The following MECOM variants were observed in gnomAD, a reference collection of about 807,000 sequenced individuals.
The protein encoded by MECOM is histone-lysine N-methyltransferase MECOM.
MECOM carries 13 observed loss-of-function variants against 116.3 expected under a neutral mutation model. That is an observed-to-expected ratio of 0.11 (90% CI 0.07 to 0.18). The LOEUF (loss-of-function observed/expected upper bound fraction) is 0.18. Among genes scored for constraint, MECOM ranks in the 10% least tolerant of loss-of-function variants. The pLI is 1.00. For missense variants in MECOM, 1,299 were observed against 1,509.0 expected (o/e 0.86, Z 2.31); for synonymous variants, 528 against 535.2 (o/e 0.99, Z 0.19).
At chr3:169,277,935 C>G (rs1759815935) in intron 2 of MECOM, among the ~76,000 whole-genome samples, 1 of 152,198 alleles carries the variant, frequency 6.6e-6, no homozygotes. Context: ...ATGGACGTCT[C>G]AGAGTTTTCT....
At chr3:169,299,760 AC>A (rs1452581858) in intron 2 of MECOM, among the ~76,000 whole-genome samples, 2 of 152,224 alleles carry the variant, frequency 1.3e-5, no homozygotes, top group Non-Finnish European at 2.9e-5. Context: ...GAATAGCTAA[AC>A]ATTTTTTCTG....
chr3:169,264,315 T>C (rs529284245), intron 2 of MECOM, among the ~76,000 whole-genome samples: 1 of 152,366 alleles, frequency 6.6e-6, no homozygotes, highest in Admixed American at 6.5e-5. Flanking sequence ...TTCTATACTT[T>C]CTTCTAGCTT....
chr3:169,553,697 G>A (rs1761677709), intron 1 of MECOM, among the ~76,000 whole-genome samples: 2 of 152,168 alleles, frequency 1.3e-5, no homozygotes, highest in South Asian at 2.1e-4. Flanking sequence ...GAAGGTGTTC[G>A]CAGGTTTGGT....
intron 1 of MECOM, among the ~76,000 whole-genome samples, chr3:169,622,887 AT>A (rs772900826): frequency 4.6e-5 from 7 of 152,240 alleles, no homozygotes; most frequent in Non-Finnish European, 1.0e-4. Flanking sequence ...CATTAAAAAA[AT>A]AAAATAAATT....
intron 1 of MECOM, among the ~76,000 whole-genome samples, chr3:169,610,832 T>C (rs1263972804): frequency 1.3e-5 from 2 of 152,204 alleles, no homozygotes; most frequent in Non-Finnish European, 2.9e-5. Flanking sequence ...TTATTCACAA[T>C]ATCCCCAGCC....
Position 169,351,158 on chromosome 3 carries a change from T to G in MECOM, c.375+30029A>C, listed in dbSNP as rs1577817103. On this transcript the variant is annotated intron_variant, in intron 2 of 16. Transcript: ENST00000651503. ...ACACATTAATGAAAAGATTTTTTTA[T>G]ATAAATTATCTTTTGTTTCTTAATA... Among the ~76,000 whole-genome samples, 4 of 151,870 alleles carry G rather than the reference T, an allele frequency of 2.6e-5. No individual in the cohort carries two copies. The East Asian group carries it at 7.7e-4, about 29-fold the overall frequency.
At chr3:169,295,591 G>T (rs1715431334) in intron 2 of MECOM, among the ~76,000 whole-genome samples, 1 of 152,158 alleles carries the variant, frequency 6.6e-6, no homozygotes, top group Non-Finnish European at 1.5e-5. Flanking sequence ...AAACAACATT[G>T]CAAGAAGGTA....
intron 1 of MECOM, among the ~76,000 whole-genome samples, chr3:169,590,324 TA>T (rs1560467890): frequency 1.3e-5 from 2 of 152,204 alleles, no homozygotes; most frequent in African/African-American, 4.8e-5. Context: ...AAAATAGGTA[TA>T]ATAGCAACAA....
intron 1 of MECOM, among the ~76,000 whole-genome samples, chr3:169,489,875 A>G (rs1202662662): frequency 6.6e-6 from 1 of 152,220 alleles, no homozygotes; most frequent in Non-Finnish European, 1.5e-5. Context: ...TAAAGTATAA[A>G]ACGGGATATT....
At chr3:169,290,922 TA>T (rs1714427806) in intron 2 of MECOM, among the ~76,000 whole-genome samples, 1 of 152,152 alleles carries the variant, frequency 6.6e-6, no homozygotes, top group Non-Finnish European at 1.5e-5. Flanking sequence ...TTTTAGAATG[TA>T]GCAGAACAAA....
intron 2 of MECOM, among the ~76,000 whole-genome samples, chr3:169,157,184 T>C (rs1742128726): frequency 6.6e-6 from 1 of 152,180 alleles, no homozygotes; most frequent in African/African-American, 2.4e-5. Flanking sequence ...AAAAGGTGTA[T>C]ACTAAAGGAA....
chr3:169,363,365 T>C (rs1001060578), intron 2 of MECOM, among the ~76,000 whole-genome samples: 1 of 151,964 alleles, frequency 6.6e-6, no homozygotes, highest in South Asian at 2.1e-4. Flanking sequence ...TTTGTCAGAT[T>C]GATATAATTT....
At chr3:169,617,515 T>C (rs1265478545) in intron 1 of MECOM, among the ~76,000 whole-genome samples, 4 of 152,226 alleles carry the variant, frequency 2.6e-5, no homozygotes, top group African/African-American at 7.2e-5. Flanking sequence ...GCTTGTCTGA[T>C]TAAAAGTTCC....
intron 1 of MECOM, among the ~76,000 whole-genome samples, chr3:169,646,877 A>G (rs771380076): frequency 6.6e-6 from 1 of 152,232 alleles, no homozygotes; most frequent in East Asian, 1.9e-4. Context: ...ATCTCCCTAA[A>G]CAAAACTAAA....
intron 1 of MECOM, among the ~76,000 whole-genome samples, chr3:169,651,552 C>G (rs1007830218): frequency 2.0e-5 from 3 of 151,978 alleles, no homozygotes; most frequent in Non-Finnish European, 4.4e-5. Context: ...GAATGGAAAA[C>G]CAAACATTGA....
At chr3:169,344,225 T>G (rs1196757374) in intron 2 of MECOM, among the ~76,000 whole-genome samples, 1 of 152,110 alleles carries the variant, frequency 6.6e-6, no homozygotes, top group Non-Finnish European at 1.5e-5. Flanking sequence ...ATCATGTAAA[T>G]GACATATATG....
intron 1 of MECOM, among the ~76,000 whole-genome samples, chr3:169,566,917 AATTAC>A (rs1467419682): frequency 2.0e-5 from 3 of 152,254 alleles, no homozygotes; most frequent in Admixed American, 2.0e-4. Context: ...TTAAATTCTG[AATTAC>A]ATTACAAACT....
intron 1 of MECOM, among the ~76,000 whole-genome samples, chr3:169,616,183 C>G (rs532498336): frequency 6.6e-6 from 1 of 152,112 alleles, no homozygotes; most frequent in East Asian, 1.9e-4. Context: ...TGCTGGGAAA[C>G]CTCTAAACAT....
chr3:169,189,350 C>A (rs1299958726), intron 2 of MECOM, among the ~76,000 whole-genome samples: 1 of 151,978 alleles, frequency 6.6e-6, no homozygotes, highest in Admixed American at 6.6e-5. Flanking sequence ...TCAATACTTT[C>A]ATTCAGCCAA....
Sources: gnomAD v4.1 joint callset for allele counts (sites outside exome capture counted in the v4.1 genomes callset) on GRCh38, gnomAD v4.1.1 for gene constraint, MANE v1.5 for transcripts, NCBI Gene and HGNC (gene_info 2026-07-23, HGNC 2026-07-21) for gene names.